The following PBX1 variants were observed in gnomAD, a reference collection of about 807,000 sequenced individuals.
The protein encoded by PBX1 is PBX homeobox 1.
In PBX1, 6 loss-of-function variants were observed where a neutral mutation model predicts 53.4. That is an observed-to-expected ratio of 0.11 (90% CI 0.06 to 0.22). The LOEUF (loss-of-function observed/expected upper bound fraction) is 0.22, where lower values mean the gene tolerates loss of function less well. PBX1 is among the 10% of genes least tolerant of loss of function. The pLI is 1.00. For synonymous variants in PBX1, 204 were observed against 212.3 expected, an observed-to-expected ratio of 0.96 and a Z score of 0.34; for missense variants, 251 against 551.4, an observed-to-expected ratio of 0.46 and a Z score of 5.46.
chr1:164,717,326 G>A (rs912922945), intron 2 of PBX1, among the ~76,000 whole-genome samples: 1 of 152,060 alleles, frequency 6.6e-6, no homozygotes, highest in African/African-American at 2.4e-5. Flanking sequence ...ACTTTTATTT[G>A]CCTGTGGTGT....
At chr1:164,611,670 C>T (rs955087457) in intron 2 of PBX1, among the ~76,000 whole-genome samples, 1 of 151,884 alleles carries the variant, frequency 6.6e-6, no homozygotes, top group Admixed American at 6.6e-5. Context: ...CCATCCAATG[C>T]CTGTTTCTTT....
chr1:164,707,418 T>TGTGTGTGTGTGAGAGA (rs58617739), intron 2 of PBX1, among the ~76,000 whole-genome samples: 6 of 118,264 alleles, frequency 5.1e-5, no homozygotes, highest in African/African-American at 1.9e-4. Flanking sequence ...TGTGTGTGTG[T>TGTGTGTGTGTGAGAGA]GAGAGAGAGA....
At chr1:164,647,896 A>G (rs1490154879) in intron 2 of PBX1, among the ~76,000 whole-genome samples, 2 of 150,548 alleles carry the variant, frequency 1.3e-5, no homozygotes, top group African/African-American at 4.9e-5. Context: ...CTCACTGCAA[A>G]CTCCGCCTCC....
intron 2 of PBX1, among the ~76,000 whole-genome samples, chr1:164,616,184 G>A (rs549502420): frequency 1.3e-5 from 2 of 152,216 alleles, no homozygotes; most frequent in South Asian, 4.1e-4. Context: ...TCATGCCCGG[G>A]GATGATTCCG....
At chr1:164,864,576 A>G (rs1672173098) in intron 2 of PBX1, among the ~76,000 whole-genome samples, 1 of 152,174 alleles carries the variant, frequency 6.6e-6, no homozygotes, top group Non-Finnish European at 1.5e-5. Flanking sequence ...GATACCTATA[A>G]ACTTCAGGGA....
chr1:164,789,104 T>C (rs1668356366), intron 2 of PBX1, among the ~76,000 whole-genome samples: 1 of 152,210 alleles, frequency 6.6e-6, no homozygotes, highest in South Asian at 2.1e-4. Context: ...GCTTTAAGCT[T>C]TGCAACCCTC....
At chr1:164,563,469 T>TA (rs1294464290) in intron 2 of PBX1, among the ~76,000 whole-genome samples, 158 bp downstream of exon 2, 2 of 151,950 alleles carry the variant, frequency 1.3e-5, no homozygotes, top group South Asian at 2.1e-4. Flanking sequence ...CTGCTTTCCT[T>TA]AAAAAAAAGA....
chr1:164,729,231 A>G (rs948601549), intron 2 of PBX1, among the ~76,000 whole-genome samples: 3 of 152,242 alleles, frequency 2.0e-5, no homozygotes, highest in Non-Finnish European at 4.4e-5. Context: ...GACTGCCTGC[A>G]TCAAATTGAG....
chr1:164,748,751 C>T (rs1666036803), intron 2 of PBX1, among the ~76,000 whole-genome samples: 1 of 152,144 alleles, frequency 6.6e-6, no homozygotes, highest in Admixed American at 6.5e-5. Flanking sequence ...ATCCCTTACT[C>T]AAGATAAGCT....
intron 2 of PBX1, among the ~76,000 whole-genome samples, chr1:164,603,929 ATTTTTTTTT>A (rs71583414): frequency 1.8e-3 from 140 of 75,738 alleles, no homozygotes; most frequent in Non-Finnish European, 2.6e-3. Flanking sequence ...ATGTCATTTC[ATTTTTTTTT>A]TTTTTTTTTT....
chr1:164,803,771 C>T (rs1669201778), intron 4 of PBX1, among the ~76,000 whole-genome samples: 1 of 152,146 alleles, frequency 6.6e-6, no homozygotes, highest in East Asian at 1.9e-4. Flanking sequence ...CAGAAACCCT[C>T]AGAGCTGTTT....
chr1:164,597,576 C>T (rs1000809655), intron 2 of PBX1, among the ~76,000 whole-genome samples: 5 of 152,146 alleles, frequency 3.3e-5, no homozygotes, highest in African/African-American at 1.2e-4. Flanking sequence ...TGATATTCAT[C>T]TTGTTGTTCC....
chr1:164,653,483 G>A (rs930679697), intron 2 of PBX1, among the ~76,000 whole-genome samples: 2 of 152,074 alleles, frequency 1.3e-5, no homozygotes, highest in African/African-American at 4.8e-5. Flanking sequence ...CAAGAGGGAT[G>A]AGTGAGGGGC....
At chr1:164,770,562 A>T (rs1010717222) in intron 2 of PBX1, 3 of 152,032 alleles carry the variant, frequency 2.0e-5, no homozygotes, top group Non-Finnish European at 4.4e-5. Flanking sequence ...CCCCTTAAGG[A>T]TCTTCTCCTA....
intron 2 of PBX1, among the ~76,000 whole-genome samples, chr1:164,572,196 C>T (rs1008653629): frequency 3.3e-5 from 5 of 151,772 alleles, no homozygotes; most frequent in South Asian, 2.1e-4. Flanking sequence ...TGTGAGGCAC[C>T]GCGCCCAGCC....
chr1:164,869,512 A>G (rs572727781), intron 2 of PBX1, among the ~76,000 whole-genome samples: 28 of 152,148 alleles, frequency 1.8e-4, no homozygotes, highest in Non-Finnish European at 3.5e-4. Flanking sequence ...GTTTCATCCT[A>G]GCCAGCCCTG....
chr1:164,830,478 T>C (rs1670700241), intron 8 of PBX1, among the ~76,000 whole-genome samples: 1 of 152,108 alleles, frequency 6.6e-6, no homozygotes, highest in African/African-American at 2.4e-5. Flanking sequence ...AGAAGTGAAC[T>C]CTGGTTATCA....
At chr1:164,625,064 T>G (rs1019517677) in intron 2 of PBX1, among the ~76,000 whole-genome samples, 7 of 152,214 alleles carry the variant, frequency 4.6e-5, no homozygotes, top group Admixed American at 2.6e-4. Context: ...AAGAACATGT[T>G]ACACCATGTA....
intron 2 of PBX1, among the ~76,000 whole-genome samples, chr1:164,739,150 C>G (rs1409420520): frequency 6.6e-6 from 1 of 152,166 alleles, no homozygotes; most frequent in Non-Finnish European, 1.5e-5. Context: ...CTACCACTCT[C>G]TCATCTAAAA....
Sources: allele counts gnomAD v4.1 joint callset (sites outside exome capture counted in the v4.1 genomes callset), GRCh38; gene constraint gnomAD v4.1.1; transcripts MANE v1.5; gene names NCBI Gene and HGNC (gene_info 2026-07-23, HGNC 2026-07-21).